The following RBMS3 variants were observed in gnomAD, a reference collection of about 807,000 sequenced individuals.
RBMS3 encodes RNA binding motif single stranded interacting protein 3.
A neutral mutation model predicts 66.8 loss-of-function variants in RBMS3; 27 were observed. That is an observed-to-expected ratio of 0.40 (90% confidence interval 0.30 to 0.56). The LOEUF (loss-of-function observed/expected upper bound fraction) is 0.56, where lower values mean the gene tolerates loss of function less well. Among genes scored for constraint, RBMS3 ranks in the 20% least tolerant of loss-of-function variants. The pLI, the probability that RBMS3 is intolerant of heterozygous loss-of-function variation, is 0.40. For synonymous variants in RBMS3, 188 were observed against 183.0 expected (o/e 1.03, Z -0.22); for missense variants, 513 against 549.5 (o/e 0.93, Z 0.66).
chr3:29,370,765 T>C (rs1575639528), intron 1 of RBMS3, among the ~76,000 whole-genome samples: 1 of 152,214 alleles, frequency 6.6e-6, no homozygotes, highest in African/African-American at 2.4e-5. Flanking sequence ...GCCAGAGGCA[T>C]ACAAGAAACA....
At chr3:29,988,038 A>T in intron 12 of RBMS3, 105 bp from the exon 13 acceptor site, 1 of 841,072 alleles carries the variant, frequency 1.2e-6, no homozygotes, top group Non-Finnish European at 1.9e-6. Flanking sequence ...AAAAATACAC[A>T]CTGGCTATGG....
At position 30,007,802 on chromosome 3, in the gene RBMS3, T is replaced by C. The variant is rs969604341; in HGVS notation, c.*3940T>C. On this transcript the variant is annotated 3_prime_UTR_variant, in exon 15 of 15. Transcript: ENST00000383767. ...CTTGGTAGATTTCAACATTTCAGAA[T>C]GTTACCTCCAAATTTCACTTGAATT... The C allele has an allele frequency of 1.3e-5, 2 of 152,062 alleles. No homozygotes were observed. The highest frequency in any genetic ancestry group is 4.8e-5 in the African/African-American group (2 of 41,420). The allele number at this position is 152,062 out of a possible 1,614,324, so 9.4% of individuals were successfully genotyped here. A position where few individuals can be genotyped will look rare whatever the true frequency, so the allele number is the denominator to read the frequency against.
At chr3:29,828,034 C>CTTTGTGTGTGTGTATATG (rs1013679590) in intron 6 of RBMS3, among the ~76,000 whole-genome samples, 1 of 151,724 alleles carries the variant, frequency 6.6e-6, no homozygotes, top group African/African-American at 2.4e-5. Context: ...AGACCATTGA[C>CTTTGTGTGTGTGTATATG]TTTGTGTGTG....
chr3:29,565,236 A>G (rs2046699636), intron 3 of RBMS3, among the ~76,000 whole-genome samples: 1 of 152,172 alleles, frequency 6.6e-6, no homozygotes. Flanking sequence ...GAAGGAGCTT[A>G]TTGTACAGTG....
In RBMS3 at chr3:29,303,544, T is replaced by C. The variant is rs186107262; in HGVS notation, c.75+21788T>C. ...CAAGTGAACTTTCATTGAATTTCCC[T>C]TTTTAACTTTTATAGCCTAGGATGG... On this transcript the variant is annotated intron_variant, in intron 1 of 14. Coordinates refer to ENST00000383767, the MANE Select transcript of RBMS3 (RefSeq NM_001003793.3). 4.4e-3 allele frequency among the ~76,000 whole-genome samples: 672 copies of C among 152,160 alleles called. 2 individuals are homozygous for C. Among genetic ancestry groups the C allele is most frequent in the Non-Finnish European group, 6.5e-3 (444 of 67,948 alleles).
At chr3:29,641,779 A>G (rs1358822678) in intron 4 of RBMS3, among the ~76,000 whole-genome samples, 1 of 152,064 alleles carries the variant, frequency 6.6e-6, no homozygotes, top group Non-Finnish European at 1.5e-5. Context: ...AGACAGGCAC[A>G]CTGCACAGGG....
intron 4 of RBMS3, among the ~76,000 whole-genome samples, chr3:29,669,550 C>T (rs60441415): frequency 2.6e-5 from 4 of 152,024 alleles, no homozygotes; most frequent in African/African-American, 9.7e-5. Flanking sequence ...TTTGTAATTT[C>T]CCTTAAGATC....
At chr3:29,781,783 G>T (rs1307411253) in intron 6 of RBMS3, among the ~76,000 whole-genome samples, 1 of 152,092 alleles carries the variant, frequency 6.6e-6, no homozygotes, top group Admixed American at 6.6e-5. Flanking sequence ...ACTCAGTGCT[G>T]TTGTGGGGGC....
At chr3:29,991,427 C>A in intron 14 of RBMS3, 1 of 635,828 alleles carries the variant, frequency 1.6e-6, no homozygotes, top group Non-Finnish European at 2.5e-6. Context: ...GGAACAGCTG[C>A]TGATTATCTA....
At chr3:29,411,433 C>T (rs896808712) in intron 1 of RBMS3, among the ~76,000 whole-genome samples, 2 of 152,272 alleles carry the variant, frequency 1.3e-5, no homozygotes, top group East Asian at 3.9e-4. Flanking sequence ...AGAAATGATG[C>T]TTTTGATCAT....
At chr3:29,680,715 T>C (rs979783566) in intron 4 of RBMS3, among the ~76,000 whole-genome samples, 1 of 152,170 alleles carries the variant, frequency 6.6e-6, no homozygotes, top group Non-Finnish European at 1.5e-5. Flanking sequence ...CTTGTTTTAT[T>C]ATATGCCCGT....
chr3:29,917,992 G>T (rs2060682212), intron 10 of RBMS3, among the ~76,000 whole-genome samples: 1 of 152,072 alleles, frequency 6.6e-6, no homozygotes, highest in Admixed American at 6.6e-5. Context: ...TATCACAAAA[G>T]ATTAACCTGA....
chr3:29,688,190 C>G (rs2051818613), intron 4 of RBMS3, among the ~76,000 whole-genome samples: 1 of 152,104 alleles, frequency 6.6e-6, no homozygotes, highest in Non-Finnish European at 1.5e-5. Flanking sequence ...TCCTGTTATT[C>G]TTAGCCAGTA....
chr3:29,311,750 G>T (rs948502800), intron 1 of RBMS3, among the ~76,000 whole-genome samples: 2 of 151,780 alleles, frequency 1.3e-5, no homozygotes, highest in Admixed American at 6.6e-5. Context: ...TTGAATAGCG[G>T]AAGAGAAGAT....
Position 29,761,246 on chromosome 3 carries a change from A to G in RBMS3, c.558-1664A>G, listed in dbSNP as rs372267111. On this transcript the variant is annotated intron_variant, in intron 5 of 14. Coordinates refer to ENST00000383767, the MANE Select transcript of RBMS3 (RefSeq NM_001003793.3). ...GATTTGTCATATCCATCGATACAGA[A>G]AGATGCACTCTCATCACATGCTTCA... Among the ~76,000 whole-genome samples the G allele has an allele frequency of 6.6e-4, 101 of 152,222 alleles. 1 individual carries two copies. The South Asian group carries it at 9.7e-3, about 15-fold the overall frequency.
At chr3:29,427,387 C>T (rs2040999239) in intron 1 of RBMS3, among the ~76,000 whole-genome samples, 2 of 152,066 alleles carry the variant, frequency 1.3e-5, no homozygotes. Context: ...TCATATTCAC[C>T]CTCATTTAAG....
intron 3 of RBMS3, among the ~76,000 whole-genome samples, chr3:29,505,506 G>GTTTTTTTTTTTT (rs749285833): frequency 9.3e-6 from 1 of 107,314 alleles, no homozygotes; most frequent in African/African-American, 3.5e-5. Flanking sequence ...CTTCAATTTT[G>GTTTTTTTTTTTT]TTTTTTTTTT....
intron 4 of RBMS3, among the ~76,000 whole-genome samples, chr3:29,698,040 G>A (rs1409155158): frequency 6.6e-6 from 1 of 152,130 alleles, no homozygotes; most frequent in African/African-American, 2.4e-5. Flanking sequence ...ACGTGCACCT[G>A]TCTTAACAAC....
chr3:29,412,237 A>G (rs1392861457), intron 1 of RBMS3, among the ~76,000 whole-genome samples: 1 of 152,240 alleles, frequency 6.6e-6, no homozygotes, highest in East Asian at 1.9e-4. Flanking sequence ...GGGTGGGTGT[A>G]TTCTCCCTGG....
Sources: allele counts gnomAD v4.1 joint callset (sites outside exome capture counted in the v4.1 genomes callset), GRCh38; gene constraint gnomAD v4.1.1; transcripts MANE v1.5; gene names NCBI Gene and HGNC (gene_info 2026-07-23, HGNC 2026-07-21).